C9orf85: variants seen among roughly 807,000 people sequenced by gnomAD.
C9orf85 encodes uncharacterized protein C9orf85.
A neutral mutation model predicts 14.9 loss-of-function variants in C9orf85; 16 were observed. The ratio of observed to expected loss-of-function variants is 1.08; its 90% confidence interval spans 0.73 to 1.63. The LOEUF is 1.63. Ranked by LOEUF, C9orf85 falls within the 40% of genes most tolerant of loss-of-function variation. C9orf85 has a pLI of 0.00. For missense variants in C9orf85, 172 were observed against 186.1 expected (o/e 0.92, Z 0.44); for synonymous variants, 45 against 56.8 (o/e 0.79, Z 0.93).
intron 1 of C9orf85, among the ~76,000 whole-genome samples, chr9:71,925,288 A>G (rs906207072): frequency 2.6e-5 from 4 of 152,204 alleles, no homozygotes; most frequent in African/African-American, 9.6e-5. Context: ...TGGGAGGCCA[A>G]GGCGGGTGGA....
intron 1 of C9orf85, among the ~76,000 whole-genome samples, chr9:71,923,354 C>T (rs1199006605): frequency 2.0e-5 from 3 of 152,072 alleles, no homozygotes; most frequent in Non-Finnish European, 4.4e-5. Flanking sequence ...CTGCAACTTC[C>T]GCCTCCTGGG....
chr9:71,952,850 G>A (rs565934230), intron 2 of C9orf85, among the ~76,000 whole-genome samples: 6 of 138,096 alleles, frequency 4.3e-5, no homozygotes, highest in African/African-American at 1.1e-4. Context: ...TGAGAATCTC[G>A]AGCCTGCTTT....
intron 1 of C9orf85, among the ~76,000 whole-genome samples, chr9:71,939,223 CTTA>C (rs947566918): frequency 1.3e-5 from 2 of 151,546 alleles, no homozygotes; most frequent in African/African-American, 4.8e-5. Context: ...GTATGATTTT[CTTA>C]TGTGTGATTT....
At chr9:71,957,998 C>T (rs186616847) in intron 2 of C9orf85, among the ~76,000 whole-genome samples, 1 of 152,114 alleles carries the variant, frequency 6.6e-6, no homozygotes, top group East Asian at 1.9e-4. Context: ...ATGATGTATC[C>T]TTTCTAGTGG....
downstream of C9orf85, chr9:71,985,230 C>A (rs1823187058): frequency 6.6e-6 from 1 of 152,214 alleles, no homozygotes; most frequent in Non-Finnish European, 1.5e-5. Flanking sequence ...GCATAACATT[C>A]AGCAGTATCC....
chr9:71,927,238 C>CA (rs1231539475), intron 1 of C9orf85, among the ~76,000 whole-genome samples: 1 of 104,142 alleles, frequency 9.6e-6, no homozygotes, highest in Non-Finnish European at 1.9e-5. Context: ...TATGTCAGGG[C>CA]AAAAAATCAT....
intron 3 of C9orf85, among the ~76,000 whole-genome samples, chr9:71,980,880 CTGAAACAAACAAG>C (rs1342828696): frequency 6.6e-6 from 1 of 152,192 alleles, no homozygotes; most frequent in African/African-American, 2.4e-5. Flanking sequence ...ACAAGACTTA[CTGAAACAAACAAG>C]TGTTTCATAA....
chr9:71,972,089 G>A (rs112599764), intron 3 of C9orf85, among the ~76,000 whole-genome samples: 3,491 of 151,582 alleles, frequency 0.023, 126 homozygotes, highest in African/African-American at 0.079. Flanking sequence ...CAATAAAAGT[G>A]AAACTATATT....
intron 1 of C9orf85, among the ~76,000 whole-genome samples, chr9:71,932,021 T>C (rs1828082478): frequency 6.6e-6 from 1 of 152,156 alleles, no homozygotes; most frequent in Non-Finnish European, 1.5e-5. Flanking sequence ...TCTTAATCAG[T>C]ATATCTTAGG....
rs113434939 is a variant in C9orf85, at chr9:71,966,624, T to TA, written c.210-4873dup. Among the ~76,000 whole-genome samples the TA allele has an allele frequency of 3.7e-3, 566 of 151,914 alleles. 3 individuals carry two copies. Among genetic ancestry groups the TA allele is most frequent in the African/African-American group, 0.013 (519 of 41,402 alleles). ...TACGTGTGCACAGGAGTCATGACTA[T>TA]AAAAAAAACGCAAAGGCAAGATGGT... On this transcript the variant is annotated intron_variant, in intron 2 of 3. Transcript: ENST00000334731.
chr9:71,975,649 A>G (rs1589276896), downstream of C9orf85, among the ~76,000 whole-genome samples: 3 of 152,190 alleles, frequency 2.0e-5, no homozygotes, highest in Non-Finnish European at 2.9e-5. Context: ...CCTGACCAAC[A>G]CAGAGAAACC....
chr9:71,952,316 C>A (rs1338897994), intron 2 of C9orf85, among the ~76,000 whole-genome samples: 1 of 151,956 alleles, frequency 6.6e-6, no homozygotes, highest in Non-Finnish European at 1.5e-5. Context: ...TGTTGAGTAC[C>A]ACATATCCTG....
chr9:71,979,493 T>A (rs1055510505), intron 3 of C9orf85, among the ~76,000 whole-genome samples: 10 of 151,920 alleles, frequency 6.6e-5, no homozygotes, highest in African/African-American at 2.4e-4. Context: ...TGGATGGAGG[T>A]AAAAGAAAGA....
chr9:71,913,548 C>G (rs569121725), intron 1 of C9orf85, among the ~76,000 whole-genome samples: 142 of 152,256 alleles, frequency 9.3e-4, no homozygotes, highest in African/African-American at 3.2e-3. Flanking sequence ...GAATGAAAAC[C>G]TGAAGCAACA....
chr9:71,920,614 T>C (rs556539347), intron 1 of C9orf85, among the ~76,000 whole-genome samples: 1 of 152,278 alleles, frequency 6.6e-6, no homozygotes, highest in Non-Finnish European at 1.5e-5. Flanking sequence ...TGCAAAAATA[T>C]TACTGTGAGG....
intron 1 of C9orf85, among the ~76,000 whole-genome samples, chr9:71,932,836 C>T (rs772404795): frequency 1.3e-5 from 2 of 151,514 alleles, no homozygotes; most frequent in Non-Finnish European, 2.9e-5. Context: ...AATAGCTGTC[C>T]GAAAGATACT....
intron 1 of C9orf85, among the ~76,000 whole-genome samples, chr9:71,939,929 A>C (rs1336754407): frequency 6.6e-6 from 1 of 152,186 alleles, no homozygotes; most frequent in Non-Finnish European, 1.5e-5. Context: ...CCAAAAATTA[A>C]CTCAAAATAG....
chr9:71,971,847 G>A (rs138848634), intron 3 of C9orf85, among the ~76,000 whole-genome samples: 4 of 152,030 alleles, frequency 2.6e-5, no homozygotes, highest in African/African-American at 7.2e-5. Context: ...AGTGGCAGGC[G>A]CCTGTAATCC....
intron 1 of C9orf85, among the ~76,000 whole-genome samples, chr9:71,929,720 A>G (rs1828025880): frequency 6.6e-6 from 1 of 151,872 alleles, no homozygotes; most frequent in Non-Finnish European, 1.5e-5. Context: ...CAGTTAATAT[A>G]CCAGTGTTAG....
Sources: gnomAD v4.1 joint callset for allele counts (sites outside exome capture counted in the v4.1 genomes callset) on GRCh38, gnomAD v4.1.1 for gene constraint, MANE v1.5 for transcripts, NCBI Gene and HGNC (gene_info 2026-07-23, HGNC 2026-07-21) for gene names.